Variants in ODAD2 observed in about 807,000 individuals in gnomAD.
ODAD2 encodes outer dynein arm docking complex subunit 2, also known as outer dynein arm-docking complex subunit 2.
Under a neutral mutation model 106.8 loss-of-function variants are expected in ODAD2, and 89 were observed. That is an observed-to-expected ratio of 0.83 (90% CI 0.70 to 0.99). The LOEUF (loss-of-function observed/expected upper bound fraction) is 0.99, where lower values mean the gene tolerates loss of function less well. Among genes scored for constraint, ODAD2 ranks in the 50% least tolerant of loss-of-function variants. The pLI is 0.00. For missense variants in ODAD2, 1,168 were observed against 1,238.5 expected (o/e 0.94, Z 0.85); for synonymous variants, 404 against 436.2 (o/e 0.93, Z 0.92).
intron 19 of ODAD2, among the ~76,000 whole-genome samples, chr10:27,816,606 G>A (rs2132803330): frequency 6.6e-6 from 1 of 152,234 alleles, no homozygotes; most frequent in Non-Finnish European, 1.5e-5. Context: ...CCAAAGCATA[G>A]GAAAAGGGTG....
At chr10:27,867,330 T>C (rs1420525081) in intron 17 of ODAD2, among the ~76,000 whole-genome samples, 5 of 152,166 alleles carry the variant, frequency 3.3e-5, no homozygotes, top group Non-Finnish European at 5.9e-5. Context: ...AAGACTACAA[T>C]GCCACAAAGT....
At chr10:27,893,294 A>G (rs1038961338) in intron 17 of ODAD2, among the ~76,000 whole-genome samples, 1 of 152,246 alleles carries the variant, frequency 6.6e-6, no homozygotes, top group Non-Finnish European at 1.5e-5. Context: ...AATGTGTTCT[A>G]ATGTGTATAA....
chr10:27,911,385 T>C (rs183100073), intron 16 of ODAD2, among the ~76,000 whole-genome samples: 1 of 152,330 alleles, frequency 6.6e-6, no homozygotes, highest in East Asian at 1.9e-4. Context: ...TTGGGGGTTA[T>C]AAATAAAGTT....
At chr10:27,829,896 AG>A (rs1310647567) in intron 19 of ODAD2, among the ~76,000 whole-genome samples, 2 of 151,900 alleles carry the variant, frequency 1.3e-5, no homozygotes, top group African/African-American at 4.8e-5. Context: ...TCAGAGCTTC[AG>A]GACTGGCCCT....
At position 27,857,809 on chromosome 10, in the gene ODAD2, G is replaced by A. The variant is rs555364198; in HGVS notation, c.3021+2816C>T. On this transcript the variant is annotated intron_variant, in intron 19 of 19. Transcript: ENST00000305242. Reference sequence around the variant, plus strand: ...TAGGATCAATTACTTATGAATAGGCGACACGGTGACTCTGGTCATTGTTAA... The same window carrying A: ...TAGGATCAATTACTTATGAATAGGCAACACGGTGACTCTGGTCATTGTTAA... Among the ~76,000 whole-genome samples the A allele has an allele frequency of 3.4e-4, 51 of 152,238 alleles. 1 individual carries two copies. Among genetic ancestry groups the A allele is most frequent in the East Asian group, 2.7e-3 (14 of 5,180 alleles).
intron 2 of ODAD2, among the ~76,000 whole-genome samples, chr10:27,990,457 T>A (rs974509944): frequency 3.9e-5 from 6 of 152,282 alleles, no homozygotes; most frequent in Admixed American, 6.5e-5. Context: ...ATTACTGGCA[T>A]GGGCCACTGC....
intron 17 of ODAD2, among the ~76,000 whole-genome samples, chr10:27,885,501 C>T (rs1215828922): frequency 5.6e-5 from 3 of 53,496 alleles, no homozygotes; most frequent in Non-Finnish European, 9.8e-5. Flanking sequence ...CAGAGTGAGA[C>T]TCCATCTCAA....
At chr10:27,983,369 C>G (rs764489423) in intron 6 of ODAD2, among the ~76,000 whole-genome samples, 2 of 152,348 alleles carry the variant, frequency 1.3e-5, no homozygotes, top group African/African-American at 2.4e-5. Context: ...GGGACCAGCA[C>G]AGCCTGGAAG....
chr10:27,916,011 GA>G (rs1444834191), intron 16 of ODAD2, among the ~76,000 whole-genome samples: 3 of 152,118 alleles, frequency 2.0e-5, no homozygotes, highest in African/African-American at 7.2e-5. Context: ...AGTGTAGGGG[GA>G]AACAGTCACA....
intron 12 of ODAD2, among the ~76,000 whole-genome samples, chr10:27,942,267 T>C (rs1846512483): frequency 6.6e-6 from 1 of 152,220 alleles, no homozygotes; most frequent in Non-Finnish European, 1.5e-5. Context: ...TCACCAAAAA[T>C]TGGTTAAATA....
chr10:27,968,028 C>T (rs1259643950), intron 9 of ODAD2, among the ~76,000 whole-genome samples: 1 of 150,802 alleles, frequency 6.6e-6, no homozygotes, highest in Non-Finnish European at 1.5e-5. Context: ...TTTAAAATGC[C>T]AATATCAAGG....
intron 17 of ODAD2, among the ~76,000 whole-genome samples, chr10:27,905,496 C>A (rs977254846): frequency 4.6e-5 from 7 of 152,144 alleles, no homozygotes; most frequent in African/African-American, 1.7e-4. Flanking sequence ...TGGCATTCTT[C>A]ACAGAATTAC....
At chr10:27,969,213 T>C (rs1323622546) in intron 8 of ODAD2, among the ~76,000 whole-genome samples, 195 bp from the exon 9 acceptor site, 9 of 152,012 alleles carry the variant, frequency 5.9e-5, no homozygotes, top group African/African-American at 1.7e-4. Flanking sequence ...ATGTTTTACA[T>C]ATTGAAGAAA....
chr10:27,904,728 G>C (rs1013891265), intron 17 of ODAD2, among the ~76,000 whole-genome samples: 1 of 152,130 alleles, frequency 6.6e-6, no homozygotes, highest in African/African-American at 2.4e-5. Flanking sequence ...TGGCTATTCC[G>C]ACATGTTTAT....
chr10:27,986,791 A>C (rs939312122), intron 3 of ODAD2, among the ~76,000 whole-genome samples: 3 of 151,622 alleles, frequency 2.0e-5, no homozygotes, highest in African/African-American at 7.2e-5. Flanking sequence ...TGATTAGATG[A>C]TAGTGTGAAC....
At chr10:27,929,263 T>C (rs892204881) in intron 16 of ODAD2, among the ~76,000 whole-genome samples, 3 of 152,144 alleles carry the variant, frequency 2.0e-5, no homozygotes, top group African/African-American at 7.2e-5. Context: ...ATAAGGCAGA[T>C]AGATAAAACA....
chr10:27,938,569 T>G (rs544544742), intron 14 of ODAD2, among the ~76,000 whole-genome samples: 1 of 152,010 alleles, frequency 6.6e-6, no homozygotes, highest in African/African-American at 2.4e-5. Context: ...AATCCTCTAC[T>G]GAAATGACTC....
At chr10:27,884,433 C>A (rs757516095) in intron 17 of ODAD2, among the ~76,000 whole-genome samples, 1 of 152,176 alleles carries the variant, frequency 6.6e-6, no homozygotes, top group Admixed American at 6.5e-5. Context: ...ACTTTCTCCA[C>A]CCCTTCTCTG....
chr10:27,955,592 AG>A (rs1275252078), intron 10 of ODAD2, among the ~76,000 whole-genome samples: 1 of 152,206 alleles, frequency 6.6e-6, no homozygotes, highest in Admixed American at 6.5e-5. Flanking sequence ...GTAATGGGAA[AG>A]GAATTTAATT....
Sources: gnomAD v4.1 joint callset for allele counts (sites outside exome capture counted in the v4.1 genomes callset) on GRCh38, gnomAD v4.1.1 for gene constraint, MANE v1.5 for transcripts, NCBI Gene and HGNC (gene_info 2026-07-23, HGNC 2026-07-21) for gene names.